NIPAL2: variants seen among roughly 807,000 people sequenced by gnomAD.
NIPAL2 encodes NIPA-like protein 2.
In NIPAL2, 43 loss-of-function variants were observed where a neutral mutation model predicts 48.9. That is an observed-to-expected ratio of 0.88 (90% confidence interval 0.69 to 1.13). The LOEUF is 1.13. Ranked by LOEUF, NIPAL2 falls within the 50% of genes most tolerant of loss-of-function variation. The pLI, the probability that NIPAL2 is intolerant of heterozygous loss-of-function variation, is 0.00. For missense variants in NIPAL2, 446 were observed against 461.4 expected (o/e 0.97, Z 0.31); for synonymous variants, 167 against 174.6 (o/e 0.96, Z 0.34).
chr8:98,251,248 A>C (rs945099607), intron 3 of NIPAL2, among the ~76,000 whole-genome samples: 1 of 152,092 alleles, frequency 6.6e-6, no homozygotes, highest in Non-Finnish European at 1.5e-5. Context: ...CATTATGGAG[A>C]ATAAAACAAC....
intron 1 of NIPAL2, among the ~76,000 whole-genome samples, chr8:98,269,232 A>G (rs182162804): frequency 6.6e-6 from 1 of 152,336 alleles, no homozygotes; most frequent in East Asian, 1.9e-4. Context: ...ATGAATTACA[A>G]ATGTTCTTAA....
chr8:98,205,069 C>T lies in NIPAL2; in HGVS notation c.791+42G>A, dbSNP rs199943223. The stretch of plus-strand genomic sequence containing the variant: ...TAAAGATTAATGCCCAGAGAAGCAC[C>T]GGAATGTTGAAAGATTAGTGAGTAT... On this transcript the variant is annotated intron_variant, in intron 7 of 10. Transcript: ENST00000430223. 86 of 1,601,198 alleles carry T rather than the reference C, an allele frequency of 5.4e-5. 1 individual carries two copies. In the Admixed American group the frequency reaches 6.4e-4, roughly 12 times the overall value.
At chr8:98,257,866 C>T (rs73283791) in intron 1 of NIPAL2, among the ~76,000 whole-genome samples, 4,108 of 152,014 alleles carry the variant, frequency 0.027, 74 homozygotes, top group African/African-American at 0.049. Context: ...GACCTGGAAG[C>T]CCCCACTTCC....
At chr8:98,272,844 G>A (rs989201731) in intron 1 of NIPAL2, among the ~76,000 whole-genome samples, 7 of 152,050 alleles carry the variant, frequency 4.6e-5, no homozygotes, top group African/African-American at 1.4e-4. Context: ...TTGAAATAGA[G>A]TCATAAACTT....
chr8:98,288,272 T>G (rs1195167845), intron 1 of NIPAL2, among the ~76,000 whole-genome samples: 1 of 146,248 alleles, frequency 6.8e-6, no homozygotes, highest in South Asian at 2.3e-4. Flanking sequence ...TTCCCACCTA[T>G]GAGTGAGAAT....
intron 1 of NIPAL2, among the ~76,000 whole-genome samples, chr8:98,265,292 A>T (rs1420280033): frequency 6.6e-6 from 1 of 151,284 alleles, no homozygotes; most frequent in Non-Finnish European, 1.5e-5. Context: ...GGATCTAATT[A>T]AACTAAAGAG....
At chr8:98,193,696 G>A (rs908062236) in intron 10 of NIPAL2, among the ~76,000 whole-genome samples, 5 of 151,784 alleles carry the variant, frequency 3.3e-5, no homozygotes, top group South Asian at 2.1e-4. Flanking sequence ...GTGCCTACTC[G>A]GGAGGCTGAG....
At chr8:98,245,160 C>T (rs537206289) in intron 3 of NIPAL2, among the ~76,000 whole-genome samples, 1 of 152,292 alleles carries the variant, frequency 6.6e-6, no homozygotes, top group East Asian at 1.9e-4. Flanking sequence ...CTTTATTGTA[C>T]TGCTAAAAAG....
intron 3 of NIPAL2, among the ~76,000 whole-genome samples, chr8:98,246,664 T>G (rs935995956): frequency 6.6e-6 from 1 of 152,196 alleles, no homozygotes; most frequent in Non-Finnish European, 1.5e-5. Flanking sequence ...GTTTCTTACC[T>G]TTATTACTTT....
At chr8:98,264,620 G>A (rs1264589739) in intron 1 of NIPAL2, among the ~76,000 whole-genome samples, 2 of 150,684 alleles carry the variant, frequency 1.3e-5, no homozygotes, top group East Asian at 2.0e-4. Flanking sequence ...CCTGCTCAAG[G>A]AAATAAAAGA....
At chr8:98,258,878 C>T (rs1419350113) in intron 1 of NIPAL2, among the ~76,000 whole-genome samples, 7 of 151,650 alleles carry the variant, frequency 4.6e-5, no homozygotes, top group Non-Finnish European at 8.8e-5. Flanking sequence ...CTGAATCATT[C>T]GTTACTTAAT....
In NIPAL2 at chr8:98,252,734, C is replaced by T. The variant is rs1813663890; in HGVS notation, c.205-100G>A. On this transcript the variant is annotated intron_variant, in intron 2 of 10. Transcript: ENST00000430223. ...TCCTTTAATTCTTTTTATAAGAACG[C>T]TAATTTATTTTTGTATTTTTTTTTA... The T allele has an allele frequency of 9.1e-6, 9 of 984,782 alleles. 1 individual carries two copies. In the South Asian group the frequency reaches 1.2e-4, roughly 13 times the overall value. 61.0% of individuals were successfully genotyped at this position (984,782 alleles called of 1,614,324 possible).
chr8:98,249,437 T>C (rs1009780505), intron 3 of NIPAL2, among the ~76,000 whole-genome samples: 1 of 151,954 alleles, frequency 6.6e-6, no homozygotes, highest in Non-Finnish European at 1.5e-5. Context: ...ACTGTGGTGC[T>C]TCTTACAAAT....
chr8:98,243,466 C>T (rs974373942), intron 3 of NIPAL2, among the ~76,000 whole-genome samples: 14 of 152,154 alleles, frequency 9.2e-5, no homozygotes, highest in Admixed American at 5.2e-4. Flanking sequence ...TGCACTTCCT[C>T]GTGCTTCTTG....
intron 1 of NIPAL2, among the ~76,000 whole-genome samples, chr8:98,267,515 T>C (rs1814844502): frequency 6.6e-6 from 1 of 152,078 alleles, no homozygotes; most frequent in Non-Finnish European, 1.5e-5. Context: ...AGATGGGGTC[T>C]CATTATGTTT....
At chr8:98,238,608 C>CT (rs113252932) in intron 3 of NIPAL2, among the ~76,000 whole-genome samples, 13,416 of 143,218 alleles carry the variant, frequency 0.094, 1,978 homozygotes, top group African/African-American at 0.32. Flanking sequence ...TATTTGTTTC[C>CT]TTTTTTTTTT....
intron 4 of NIPAL2, among the ~76,000 whole-genome samples, chr8:98,232,508 T>A (rs1812486104): frequency 6.6e-6 from 1 of 152,150 alleles, no homozygotes; most frequent in Non-Finnish European, 1.5e-5. Context: ...TAGCTAATAT[T>A]ATTGAACACA....
intron 4 of NIPAL2, among the ~76,000 whole-genome samples, chr8:98,229,357 T>C (rs1812328002): frequency 2.0e-5 from 3 of 152,162 alleles, no homozygotes; most frequent in South Asian, 2.1e-4. Context: ...GGAGAGCATA[T>C]GCCAAGGGAA....
intron 1 of NIPAL2, among the ~76,000 whole-genome samples, chr8:98,257,690 C>A (rs1813989111): frequency 6.6e-6 from 1 of 152,112 alleles, no homozygotes; most frequent in African/African-American, 2.4e-5. Flanking sequence ...GACTCAGGCA[C>A]CTTTTTAGGT....
Sources: allele counts gnomAD v4.1 joint callset (sites outside exome capture counted in the v4.1 genomes callset), GRCh38; gene constraint gnomAD v4.1.1; transcripts MANE v1.5; gene names NCBI Gene and HGNC (gene_info 2026-07-23, HGNC 2026-07-21).